The following FER variants were observed in gnomAD, a reference collection of about 807,000 sequenced individuals.
The protein encoded by FER is FER tyrosine kinase, also known as tyrosine-protein kinase Fer.
A neutral mutation model predicts 111.0 loss-of-function variants in FER; 63 were observed. The observed-to-expected ratio is 0.57, with a 90% confidence interval of 0.46 to 0.70. The LOEUF (loss-of-function observed/expected upper bound fraction) is 0.70. Ranked by LOEUF, FER falls within the 30% of genes least tolerant of loss-of-function variation. The probability of loss-of-function intolerance (pLI) is 0.00; values close to 1 mark genes in which losing one functional copy is unlikely to be tolerated. For synonymous variants in FER, 327 were observed against 313.9 expected (o/e 1.04, Z -0.44); for missense variants, 914 against 954.0 (o/e 0.96, Z 0.55).
chr5:109,145,343 G>T (rs932783389), intron 17 of FER, among the ~76,000 whole-genome samples: 3 of 152,036 alleles, frequency 2.0e-5, no homozygotes, highest in Non-Finnish European at 2.9e-5. Flanking sequence ...AAATAGCACA[G>T]TCATCTTCTT....
At chr5:109,007,658 T>C (rs1765674402) in intron 13 of FER, among the ~76,000 whole-genome samples, 1 of 152,250 alleles carries the variant, frequency 6.6e-6, no homozygotes, top group Non-Finnish European at 1.5e-5. Flanking sequence ...ACCATTTGTT[T>C]ATTCATTCCT....
At chr5:109,044,227 G>A (rs1054236381) in intron 14 of FER, among the ~76,000 whole-genome samples, 8 of 149,678 alleles carry the variant, frequency 5.3e-5, no homozygotes, top group African/African-American at 2.0e-4. Context: ...TGCCCAGGCT[G>A]GAGTGCAGTG....
At chr5:109,097,244 T>C (rs1362317401) in intron 16 of FER, among the ~76,000 whole-genome samples, 3 of 151,914 alleles carry the variant, frequency 2.0e-5, no homozygotes, top group Non-Finnish European at 4.4e-5. Flanking sequence ...GCTATCTCCC[T>C]AGTAAACCAT....
chr5:109,146,253 A>ATATATATATAT (rs1491409370), intron 17 of FER, among the ~76,000 whole-genome samples: 4 of 42,130 alleles, frequency 9.5e-5, no homozygotes, highest in African/African-American at 3.6e-4. Flanking sequence ...TAATCTATCT[A>ATATATATATAT]ATATATATAT....
In FER at chr5:109,187,596, C is replaced by G. The variant is rs1759027258; in HGVS notation, c.*21C>G. The stretch of plus-strand genomic sequence containing the variant: ...CATAGTGACAGGATGGCGCCAAACT[C>G]AGCCTTCAGGACTCTGTCCTCCAGC... On this transcript the variant is annotated 3_prime_UTR_variant, in exon 20 of 20. Coordinates refer to ENST00000281092, the MANE Select transcript of FER (RefSeq NM_005246.4). 6.2e-7 allele frequency: 1 copy of G among 1,613,836 alleles called. No homozygotes were observed. The highest frequency in any genetic ancestry group is 8.5e-7 in the Non-Finnish European group (1 of 1,179,888).
At chr5:109,065,649 G>T (rs143539565) in intron 16 of FER, among the ~76,000 whole-genome samples, 83 of 152,098 alleles carry the variant, frequency 5.5e-4, no homozygotes, top group African/African-American at 2.0e-3. Flanking sequence ...TGAGCCCAGG[G>T]GTTCACAAAT....
chr5:109,191,801 T>C lies in FER; in HGVS notation c.*4226T>C, dbSNP rs1402344357. 6.6e-6 allele frequency: 1 copy of C among 152,180 alleles called. No homozygotes were observed. The highest frequency in any genetic ancestry group is 2.4e-5 in the African/African-American group (1 of 41,450). 9.4% of individuals were successfully genotyped at this position (152,180 alleles called of 1,614,324 possible). ...TTAGTTTCACATCAAGTCTGAATAC[T>C]ATATTTTGGAAGAATCCAAAACCAC... On this transcript the variant is annotated 3_prime_UTR_variant, in exon 20 of 20. Coordinates refer to ENST00000281092, the MANE Select transcript of FER (RefSeq NM_005246.4).
chr5:108,898,632 T>C (rs1232430550), intron 10 of FER, among the ~76,000 whole-genome samples: 1 of 141,394 alleles, frequency 7.1e-6, no homozygotes, highest in Admixed American at 7.1e-5. Context: ...CCTTCCTTTC[T>C]TTTTCTTTTT....
intron 17 of FER, among the ~76,000 whole-genome samples, chr5:109,174,668 T>C (rs527477827): frequency 6.6e-6 from 1 of 152,308 alleles, no homozygotes; most frequent in Non-Finnish European, 1.5e-5. Flanking sequence ...ATATGTGTAT[T>C]ATGTAGGTTG....
At chr5:108,810,897 T>G (rs538315346) in intron 3 of FER, among the ~76,000 whole-genome samples, 19 of 151,686 alleles carry the variant, frequency 1.3e-4, no homozygotes, top group African/African-American at 4.6e-4. Flanking sequence ...GGCTCATGCT[T>G]CCAGTCCGGG....
intron 17 of FER, among the ~76,000 whole-genome samples, chr5:109,107,552 T>G (rs541080710): frequency 6.6e-6 from 1 of 152,246 alleles, no homozygotes; most frequent in East Asian, 1.9e-4. Flanking sequence ...TCTCATCATT[T>G]AGCTCACACT....
chr5:109,072,041 A>G (rs1775824327), intron 16 of FER, among the ~76,000 whole-genome samples: 1 of 151,650 alleles, frequency 6.6e-6, no homozygotes, highest in African/African-American at 2.4e-5. Flanking sequence ...AATCAGAAAG[A>G]TATTTTAGGT....
intron 16 of FER, among the ~76,000 whole-genome samples, chr5:109,084,919 T>C (rs1186798373): frequency 2.0e-5 from 3 of 151,902 alleles, no homozygotes. Flanking sequence ...TTTCTGGACT[T>C]TGTCTGTTCC....
chr5:108,845,023 T>TATATATATATATATATAC (rs1215949399), intron 5 of FER, among the ~76,000 whole-genome samples: 1 of 53,132 alleles, frequency 1.9e-5, no homozygotes, highest in Non-Finnish European at 3.7e-5. Context: ...TATATATATA[T>TATATATATATATATATAC]ATATATATAT....
chr5:109,086,269 A>C (rs957233290), intron 16 of FER, among the ~76,000 whole-genome samples: 2 of 128,564 alleles, frequency 1.6e-5, no homozygotes, highest in Non-Finnish European at 3.4e-5. Flanking sequence ...TTGTCTTTCA[A>C]GGTATCGGTC....
At chr5:108,849,802 C>T (rs1180055882) in intron 5 of FER, among the ~76,000 whole-genome samples, 1 of 152,072 alleles carries the variant, frequency 6.6e-6, no homozygotes, top group African/African-American at 2.4e-5. Flanking sequence ...AGCTATAAGA[C>T]TTCTAGTCCA....
At chr5:109,002,639 A>G (rs1028242123) in intron 13 of FER, among the ~76,000 whole-genome samples, 24 of 152,234 alleles carry the variant, frequency 1.6e-4, no homozygotes, top group Admixed American at 3.3e-4. Context: ...TAATGAAACT[A>G]AAAACTTCTG....
intron 1 of FER, among the ~76,000 whole-genome samples, chr5:108,753,711 A>G (rs909931156): frequency 2.0e-5 from 3 of 152,118 alleles, no homozygotes; most frequent in Non-Finnish European, 2.9e-5. Flanking sequence ...ATTATTTTTT[A>G]AGGAGCAGTA....
chr5:109,070,225 A>G (rs746356523), intron 16 of FER, among the ~76,000 whole-genome samples: 2 of 151,954 alleles, frequency 1.3e-5, no homozygotes, highest in Non-Finnish European at 2.9e-5. Context: ...AAACATGGAG[A>G]GAAAAGGAGA....
Sources: allele counts gnomAD v4.1 joint callset (sites outside exome capture counted in the v4.1 genomes callset), GRCh38; gene constraint gnomAD v4.1.1; transcripts MANE v1.5; gene names NCBI Gene and HGNC (gene_info 2026-07-23, HGNC 2026-07-21).